TCF4: variants seen among roughly 807,000 people sequenced by gnomAD.
TCF4 encodes transcription factor 4, also known as SL3-3 enhancer factor 2.
TCF4 carries 3 observed loss-of-function variants against 82.1 expected under a neutral mutation model. The ratio of observed to expected loss-of-function variants is 0.04; its 90% confidence interval spans 0.02 to 0.09. The LOEUF is 0.09. Ranked by LOEUF, TCF4 falls within the 10% of genes least tolerant of loss-of-function variation. TCF4 has a pLI of 1.00. For missense variants in TCF4, 518 were observed against 852.7 expected (o/e 0.61, Z 4.89); for synonymous variants, 276 against 309.6 (o/e 0.89, Z 1.14).
Position 55,280,588 on chromosome 18 carries a change from A to G in TCF4, c.550-932T>C, listed in dbSNP as rs554191068. Among the ~76,000 whole-genome samples the G allele has an allele frequency of 2.0e-5, 3 of 152,184 alleles. No homozygotes were observed. The South Asian group carries it at 6.2e-4, about 32-fold the overall frequency. On this transcript the variant is annotated intron_variant, in intron 8 of 19. Transcript: ENST00000354452. Reference sequence around the variant, plus strand: ...TTTTGCTCTCAAAGTTCCTCTCTCCAGATGGTCAGAAAGACTGAAACACTG... The same window carrying G: ...TTTTGCTCTCAAAGTTCCTCTCTCCGGATGGTCAGAAAGACTGAAACACTG...
intron 6 of TCF4, chr18:55,384,343 C>G (rs537569737): frequency 2.0e-5 from 3 of 152,402 alleles, no homozygotes; most frequent in African/African-American, 7.2e-5. Flanking sequence ...AATCAGTGTG[C>G]CTATAAAAAA....
intron 5 of TCF4, among the ~76,000 whole-genome samples, chr18:55,420,337 A>G (rs969391586): frequency 5.9e-5 from 9 of 152,208 alleles, no homozygotes; most frequent in African/African-American, 1.9e-4. Context: ...ATTCAAAACT[A>G]ACTTGTCAAC....
chr18:55,460,427 C>G (rs2095850336), intron 5 of TCF4, among the ~76,000 whole-genome samples: 1 of 152,132 alleles, frequency 6.6e-6, no homozygotes. Context: ...GCCGGAGATT[C>G]ACAGACAGCC....
At chr18:55,431,742 G>A (rs907824677) in intron 5 of TCF4, among the ~76,000 whole-genome samples, 3 of 152,186 alleles carry the variant, frequency 2.0e-5, no homozygotes, top group East Asian at 1.9e-4. Context: ...GAGATGAAGC[G>A]TTAAGACTGC....
At chr18:55,502,953 G>C (rs1410685969) in intron 3 of TCF4, among the ~76,000 whole-genome samples, 1 of 152,142 alleles carries the variant, frequency 6.6e-6, no homozygotes, top group Non-Finnish European at 1.5e-5. Context: ...TTGATTCCAT[G>C]GTAACACTTC....
chr18:55,583,575 A>T (rs548526644), intron 3 of TCF4, among the ~76,000 whole-genome samples: 2 of 152,274 alleles, frequency 1.3e-5, no homozygotes, highest in African/African-American at 4.8e-5. Flanking sequence ...TAAACACCTT[A>T]CTTTATTAAA....
intron 6 of TCF4, among the ~76,000 whole-genome samples, chr18:55,377,401 C>G (rs2091019993): frequency 6.6e-6 from 1 of 152,160 alleles, no homozygotes; most frequent in Non-Finnish European, 1.5e-5. Context: ...TTTCTAAGAG[C>G]TTCCTCTACC....
intron 8 of TCF4, chr18:55,322,442 A>AC (rs2075840739): frequency 2.9e-5 from 29 of 1,008,510 alleles, no homozygotes; most frequent in Non-Finnish European, 3.4e-5. Flanking sequence ...AAAAAAAAAA[A>AC]AAAAAAAACA....
chr18:55,322,105 CTTTTTTTT>C lies in TCF4; in HGVS notation c.549+28246_549+28253del, dbSNP rs1213553765. 7 of 873,404 alleles carry C rather than the reference CTTTTTTTT, an allele frequency of 8.0e-6. No individual in the cohort carries two copies. The South Asian group carries it at 2.2e-4, about 28-fold the overall frequency. 54.1% of individuals were successfully genotyped at this position (873,404 alleles called of 1,614,324 possible). On this transcript the variant is annotated intron_variant, in intron 8 of 19. Coordinates refer to ENST00000354452, the MANE Select transcript of TCF4 (RefSeq NM_001083962.2). ...TCTTTTTCTTTTCTTTTTTTTTTTC[CTTTTTTTT>C]TTTTTTTTTGTTTTGTTTTGTTCTA...
chr18:55,272,126 A>C (rs1600956901), intron 10 of TCF4, among the ~76,000 whole-genome samples: 1 of 152,126 alleles, frequency 6.6e-6, no homozygotes, highest in African/African-American at 2.4e-5. Flanking sequence ...GGATTTGACA[A>C]AGGGTTAACG....
chr18:55,593,084 T>C (rs563317482), upstream of TCF4, among the ~76,000 whole-genome samples: 1 of 152,230 alleles, frequency 6.6e-6, no homozygotes, highest in Non-Finnish European at 1.5e-5. Context: ...AACATTTTTT[T>C]CTAAAGTAGT....
chr18:55,522,342 G>GA (rs1603618804), intron 3 of TCF4, among the ~76,000 whole-genome samples: 1 of 152,008 alleles, frequency 6.6e-6, no homozygotes, highest in African/African-American at 2.4e-5. Context: ...TGTGTAGTGA[G>GA]AAAAAAATCT....
intron 6 of TCF4, among the ~76,000 whole-genome samples, chr18:55,376,233 C>T (rs1227782225): frequency 6.6e-6 from 1 of 151,928 alleles, no homozygotes; most frequent in Admixed American, 6.6e-5. Context: ...ACCATGTTGC[C>T]CAGGCTGGTC....
chr18:55,464,943 A>T (rs775954322), intron 3 of TCF4, among the ~76,000 whole-genome samples: 2 of 152,214 alleles, frequency 1.3e-5, no homozygotes, highest in Non-Finnish European at 2.9e-5. Context: ...CCACGCTCCA[A>T]ATGGCAAATA....
intron 5 of TCF4, among the ~76,000 whole-genome samples, chr18:55,411,717 G>T (rs1474520704): frequency 6.6e-6 from 1 of 151,994 alleles, no homozygotes; most frequent in Non-Finnish European, 1.5e-5. Flanking sequence ...ATTCGGTAGA[G>T]TCTGGCATTC....
At chr18:55,451,786 C>T (rs903454111) in intron 5 of TCF4, among the ~76,000 whole-genome samples, 2 of 152,126 alleles carry the variant, frequency 1.3e-5, no homozygotes, top group African/African-American at 4.8e-5. Context: ...AATACTGTCA[C>T]AGACACATTT....
At chr18:55,477,944 A>G (rs572344526) in intron 3 of TCF4, among the ~76,000 whole-genome samples, 2 of 152,252 alleles carry the variant, frequency 1.3e-5, no homozygotes, top group South Asian at 4.1e-4. Flanking sequence ...GAAAGAGATG[A>G]GCTGCTCTGA....
At chr18:55,318,500 G>T (rs1222668594) in intron 8 of TCF4, among the ~76,000 whole-genome samples, 1 of 151,326 alleles carries the variant, frequency 6.6e-6, no homozygotes, top group Non-Finnish European at 1.5e-5. Flanking sequence ...AATGCATAGA[G>T]GAAAAAAAAA....
chr18:55,486,627 A>G (rs953815262), intron 3 of TCF4, among the ~76,000 whole-genome samples: 1 of 152,164 alleles, frequency 6.6e-6, no homozygotes, highest in Non-Finnish European at 1.5e-5. Context: ...AAAGAAGACA[A>G]GAAGGAAATC....
Sources: allele counts gnomAD v4.1 joint callset (sites outside exome capture counted in the v4.1 genomes callset), GRCh38; gene constraint gnomAD v4.1.1; transcripts MANE v1.5; gene names NCBI Gene and HGNC (gene_info 2026-07-23, HGNC 2026-07-21).